TOX3: variants seen among roughly 807,000 people sequenced by gnomAD.
The protein encoded by TOX3 is TOX high mobility group box family member 3.
Under a neutral mutation model 64.3 loss-of-function variants are expected in TOX3, and 22 were observed. That is an observed-to-expected ratio of 0.34 (90% CI 0.24 to 0.49). The LOEUF (loss-of-function observed/expected upper bound fraction) is 0.49. TOX3 is among the 20% of genes least tolerant of loss of function. TOX3 has a pLI of 0.99. For synonymous variants in TOX3, 291 were observed against 273.6 expected, an observed-to-expected ratio of 1.06 and a Z score of -0.63; for missense variants, 661 against 714.4, an observed-to-expected ratio of 0.93 and a Z score of 0.85.
chr16:52,535,774 T>G (rs896640080), intron 1 of TOX3, among the ~76,000 whole-genome samples: 10 of 152,210 alleles, frequency 6.6e-5, no homozygotes, highest in African/African-American at 2.4e-4. Flanking sequence ...TCCTGTTCTC[T>G]CATCCCTGCC....
At chr16:52,453,026 T>C (rs1258231502) in intron 3 of TOX3, among the ~76,000 whole-genome samples, 1 of 152,178 alleles carries the variant, frequency 6.6e-6, no homozygotes, top group Non-Finnish European at 1.5e-5. Context: ...TTCTACCACA[T>C]TTGCTCATTT....
Position 52,468,499 on chromosome 16 carries a change from A to G in TOX3, c.153+10T>C. 1.2e-6 allele frequency: 2 copies of G among 1,611,670 alleles called. No homozygotes were observed. The highest frequency in any genetic ancestry group is 2.7e-5 in the African/African-American group (2 of 74,982). Reference sequence around the variant, plus strand: ...AAAACAGGAACAAACACATTAAGACAGTCACCTACCTCACTGGCAGCGAAG... The same window carrying G: ...AAAACAGGAACAAACACATTAAGACGGTCACCTACCTCACTGGCAGCGAAG... On this transcript the variant is annotated intron_variant, in intron 2 of 6. Transcript: ENST00000219746.
intron 5 of TOX3, chr16:52,445,500 C>T (rs1234822343): frequency 6.5e-6 from 1 of 153,184 alleles, no homozygotes. Flanking sequence ...ACCTCTCATA[C>T]TGCCTTGCTT....
chr16:52,460,446 C>T (rs1960655336), intron 3 of TOX3, among the ~76,000 whole-genome samples: 1 of 152,148 alleles, frequency 6.6e-6, no homozygotes, highest in Admixed American at 6.5e-5. Flanking sequence ...GTACAACAGG[C>T]TAAGCTGAAA....
At chr16:52,532,910 A>G (rs1380330079) in intron 1 of TOX3, among the ~76,000 whole-genome samples, 1 of 152,186 alleles carries the variant, frequency 6.6e-6, no homozygotes, top group Non-Finnish European at 1.5e-5. Flanking sequence ...GAAGTATAGC[A>G]CTGGGCTTAG....
At position 52,438,442 on chromosome 16, in the gene TOX3, C is replaced by A. The variant is rs1030355852; in HGVS notation, c.*783G>T. On this transcript the variant is annotated 3_prime_UTR_variant, in exon 7 of 7. Coordinates refer to ENST00000219746, the MANE Select transcript of TOX3 (RefSeq NM_001080430.4). ...AACTGTTTTCATTTAAGTGCATTTC[C>A]CTTTTAAAAATACAGTGTTTTTATT... 6.6e-6 allele frequency: 1 copy of A among 152,444 alleles called. No homozygotes were observed. The highest frequency in any genetic ancestry group is 1.5e-5 in the Non-Finnish European group (1 of 68,000). 9.4% of individuals were successfully genotyped at this position (152,444 alleles called of 1,614,324 possible).
intron 1 of TOX3, among the ~76,000 whole-genome samples, chr16:52,509,577 C>T (rs2151470566): frequency 6.6e-6 from 1 of 152,316 alleles, no homozygotes; most frequent in South Asian, 2.1e-4. Context: ...TTTTCTCTAT[C>T]CACGTTCTTT....
chr16:52,518,209 C>A lies in TOX3; in HGVS notation c.87+28428G>T, dbSNP rs1413192321. Among the ~76,000 whole-genome samples the A allele has an allele frequency of 3.3e-5, 5 of 152,258 alleles. No homozygotes were observed. In the South Asian group the frequency reaches 1.0e-3, roughly 32 times the overall value. On this transcript the variant is annotated intron_variant, in intron 1 of 6. Coordinates refer to ENST00000219746, the MANE Select transcript of TOX3 (RefSeq NM_001080430.4). ...GATATCTTTTCCGTATATACTTAAC[C>A]TCCTACAGATTTATTTGATTCTCAA...
chr16:52,470,368 G>A (rs966670662), intron 1 of TOX3, among the ~76,000 whole-genome samples: 10 of 152,030 alleles, frequency 6.6e-5, no homozygotes, highest in East Asian at 3.9e-4. Context: ...CAACCTCAAC[G>A]TTATTTAAAT....
chr16:52,471,643 G>T (rs1038605303), intron 1 of TOX3, among the ~76,000 whole-genome samples: 2 of 152,128 alleles, frequency 1.3e-5, no homozygotes, highest in Admixed American at 1.3e-4. Context: ...GAGGGAGAAA[G>T]GTTGATCACA....
At chr16:52,501,270 T>C (rs1477778255) in intron 1 of TOX3, among the ~76,000 whole-genome samples, 1 of 152,240 alleles carries the variant, frequency 6.6e-6, no homozygotes, top group Non-Finnish European at 1.5e-5. Context: ...TTGCAACATA[T>C]GCAGGTTTGT....
At chr16:52,495,497 A>G (rs892523087) in intron 1 of TOX3, among the ~76,000 whole-genome samples, 2 of 152,142 alleles carry the variant, frequency 1.3e-5, no homozygotes, top group African/African-American at 2.4e-5. Context: ...ATTTCAGCAC[A>G]TTTCACCTTG....
At chr16:52,479,624 T>A (rs1961312660) in intron 1 of TOX3, among the ~76,000 whole-genome samples, 1 of 152,254 alleles carries the variant, frequency 6.6e-6, no homozygotes, top group Non-Finnish European at 1.5e-5. Context: ...TGAGAATCAC[T>A]GAAGTGACAG....
At position 52,438,129 on chromosome 16, in the gene TOX3, G is replaced by C. The variant is rs1959805737; in HGVS notation, c.*1096C>G. The C allele has an allele frequency of 6.6e-6, 1 of 152,528 alleles. No homozygotes were observed. The highest frequency in any genetic ancestry group is 1.5e-5 in the Non-Finnish European group (1 of 67,996). 9.4% of individuals were successfully genotyped at this position (152,528 alleles called of 1,614,324 possible). A position where few individuals can be genotyped will look rare whatever the true frequency, so the allele number is the denominator to read the frequency against. The stretch of plus-strand genomic sequence containing the variant: ...GCAAGATAAAAGCATTTTTGTTTTA[G>C]TTAAGCAAAATACAAACAACTTAAT... On this transcript the variant is annotated 3_prime_UTR_variant, in exon 7 of 7. Transcript: ENST00000219746.
intron 1 of TOX3, among the ~76,000 whole-genome samples, chr16:52,477,221 G>A (rs1285893299): frequency 6.6e-6 from 1 of 152,200 alleles, no homozygotes; most frequent in Non-Finnish European, 1.5e-5. Context: ...GAACAAAGCA[G>A]AGAGCAATTT....
intron 6 of TOX3, among the ~76,000 whole-genome samples, chr16:52,442,739 A>G (rs934367706): frequency 1.3e-5 from 2 of 152,234 alleles, no homozygotes; most frequent in Non-Finnish European, 2.9e-5. Flanking sequence ...GTTGCCTCAC[A>G]GTTCTTTGAA....
At chr16:52,456,356 C>T (rs1960516796) in intron 3 of TOX3, among the ~76,000 whole-genome samples, 1 of 152,210 alleles carries the variant, frequency 6.6e-6, no homozygotes, top group South Asian at 2.1e-4. Flanking sequence ...CAAAGATTAA[C>T]ATTTGCAGTC....
rs564075226 is a variant in TOX3, at chr16:52,525,351, A to T, written c.87+21286T>A. 2.0e-5 allele frequency among the ~76,000 whole-genome samples: 3 copies of T among 152,304 alleles called. No homozygotes were observed. The East Asian group carries it at 5.8e-4, about 29-fold the overall frequency. On this transcript the variant is annotated intron_variant, in intron 1 of 6. Coordinates refer to ENST00000219746, the MANE Select transcript of TOX3 (RefSeq NM_001080430.4). The stretch of plus-strand genomic sequence containing the variant: ...GAAGAAAACCTTATGTGGAGTCCGG[A>T]GTGCCTACCTAAATTACTAAGACAA...
intron 3 of TOX3, among the ~76,000 whole-genome samples, chr16:52,451,452 AT>A (rs949685847): frequency 5.2e-4 from 78 of 151,064 alleles, no homozygotes; most frequent in African/African-American, 1.4e-3. Flanking sequence ...CTTATTCTCT[AT>A]TTTTTTTTAA....
Sources: gnomAD v4.1 joint callset for allele counts (sites outside exome capture counted in the v4.1 genomes callset) on GRCh38, gnomAD v4.1.1 for gene constraint, MANE v1.5 for transcripts, NCBI Gene and HGNC (gene_info 2026-07-23, HGNC 2026-07-21) for gene names.